AHCTF1: variants seen among roughly 807,000 people sequenced by gnomAD.
AHCTF1 encodes the protein AT-hook containing transcription factor 1.
In AHCTF1, 24 loss-of-function variants were observed where a neutral mutation model predicts 248.4. The ratio of observed to expected loss-of-function variants is 0.10; its 90% CI spans 0.07 to 0.14. The LOEUF (loss-of-function observed/expected upper bound fraction) is 0.14. Ranked by LOEUF, AHCTF1 falls within the 10% of genes least tolerant of loss-of-function variation. AHCTF1 has a pLI of 1.00. For missense variants in AHCTF1, 2,206 were observed against 2,636.2 expected (o/e 0.84, Z 3.57); for synonymous variants, 786 against 929.8 (o/e 0.85, Z 2.81).
chr1:246,908,422 T>C (rs1231618731), intron 4 of AHCTF1, among the ~76,000 whole-genome samples: 1 of 151,896 alleles, frequency 6.6e-6, no homozygotes, highest in African/African-American at 2.4e-5. Context: ...AGGTATCACC[T>C]GCTTACTCTG....
In AHCTF1 at chr1:246,851,238, T is replaced by C. The variant is rs1301513837; in HGVS notation, c.4768A>G (p.Ser1590Gly). ...EVDGELFVAQ[S>G]NFTLILEGEE... is the part of the protein sequence containing the mutation. ...CCTTCCAATATCAAGGTAAAGTTGC[T>C]TTGAGCCACAAAAAGTTCCCCATCT... The change falls in exon 33 of 36, where the codon AGC (serine) becomes GGC (glycine). Residue 1590 changes from serine (S) to glycine (G), a missense_variant. Around this residue, in one of 6 missense-constraint regions of AHCTF1, gnomAD observed 955 missense variants for 1,055.6 expected, o/e 0.90. Transcript: ENST00000648844. The C allele has an allele frequency of 6.2e-7, 1 of 1,613,846 alleles. No homozygotes were observed. The highest frequency in any genetic ancestry group is 2.2e-5 in the East Asian group (1 of 44,884).
intron 24 of AHCTF1, among the ~76,000 whole-genome samples, chr1:246,875,312 C>T (rs1290966551): frequency 6.6e-6 from 1 of 152,186 alleles, no homozygotes; most frequent in African/African-American, 2.4e-5. Flanking sequence ...CACCTTCCCT[C>T]AGCTGGACAC....
chr1:246,882,677 T>G (rs758262461), intron 21 of AHCTF1, among the ~76,000 whole-genome samples: 4 of 152,256 alleles, frequency 2.6e-5, no homozygotes, highest in Non-Finnish European at 5.9e-5. Flanking sequence ...TTTTTGGCTT[T>G]CTTGTACATT....
chr1:246,864,882 A>AAAAAAAAAAAAAAAC (rs1661849642), intron 26 of AHCTF1, among the ~76,000 whole-genome samples: 1 of 148,964 alleles, frequency 6.7e-6, no homozygotes. Context: ...AAAAAAAAAA[A>AAAAAAAAAAAAAAAC]AAAAAAAGAC....
intron 6 of AHCTF1, 142 bp downstream of exon 6, chr1:246,905,399 G>A (rs1665308950): frequency 3.3e-6 from 2 of 609,572 alleles, no homozygotes; most frequent in Non-Finnish European, 5.9e-6. Context: ...TCGGGAGGCT[G>A]AGCGAGAGAA....
intron 29 of AHCTF1, 117 bp downstream of exon 29, chr1:246,860,782 C>T: frequency 7.3e-7 from 1 of 1,368,384 alleles, no homozygotes. Context: ...CTGAGATTAA[C>T]TAGCATGAGC....
At chr1:246,917,518 T>C (rs1220986986) in intron 2 of AHCTF1, among the ~76,000 whole-genome samples, 6 of 152,224 alleles carry the variant, frequency 3.9e-5, no homozygotes, top group Non-Finnish European at 8.8e-5. Flanking sequence ...AATGATTTCA[T>C]TCTCAGTTAC....
rs1008015200 is a variant in AHCTF1 at position 246,898,407 on chromosome 1, T to A, written c.1495-71A>T. On this transcript the variant is annotated intron_variant, in intron 11 of 35. Transcript: ENST00000648844. ...ATAATCAAATTTAAGATTAATTAAT[T>A]ACACTTAAAATTTAAGTAAAATTTA... 4.1e-6 allele frequency: 6 copies of A among 1,446,128 alleles called. No individual in the cohort carries two copies. In the African/African-American group the frequency reaches 7.3e-5, roughly 18 times the overall value. 89.6% of individuals were successfully genotyped at this position (1,446,128 alleles called of 1,614,324 possible).
At chr1:246,893,281 G>C (rs541816014) in intron 14 of AHCTF1, among the ~76,000 whole-genome samples, 1 of 152,252 alleles carries the variant, frequency 6.6e-6, no homozygotes, top group African/African-American at 2.4e-5. Flanking sequence ...CATGACAACA[G>C]TTTCATAAGT....
At position 246,929,867 on chromosome 1, in the gene AHCTF1, T is replaced by C. The variant is rs375657308; in HGVS notation, c.-8+1711A>G. On this transcript the variant is annotated intron_variant, in intron 1 of 35. Coordinates refer to ENST00000648844, the MANE Select transcript of AHCTF1 (RefSeq NM_001323342.2). ...AGAAGTTCAAGACCAGCCTGGCCAA[T>C]ATGGTGAAACCCCGTCTCTACTAAA... Among the ~76,000 whole-genome samples, 94 of 151,992 alleles carry C rather than the reference T, an allele frequency of 6.2e-4. No homozygotes were observed. The East Asian group carries it at 0.011, about 17-fold the overall frequency.
rs762993619 is a variant in AHCTF1, at chr1:246,907,661, T to A, written c.654A>T (p.Pro218=). Residue 218 remains proline, a synonymous_variant, in exon 5 of 36, where the codon CCA becomes CCT. Transcript: ENST00000648844. ...TAAGAGTTGAAACAGCTGTTCCTGT[T>A]GGACTTACTAACTGGAAACACAGAT... ...GRHLCFQLVS[P]TGTAVSTLSY... 2.2e-5 allele frequency: 36 copies of A among 1,613,808 alleles called. No individual in the cohort carries two copies. Among genetic ancestry groups the A allele is most frequent in the Admixed American group, 1.0e-4 (6 of 59,998 alleles).
chr1:246,896,927 C>T (rs2103157737), intron 12 of AHCTF1, among the ~76,000 whole-genome samples: 1 of 152,264 alleles, frequency 6.6e-6, no homozygotes, highest in African/African-American at 2.4e-5. Context: ...TCACTGAAGC[C>T]ATTTATATTT....
chr1:246,841,441 G>A (rs932929754), intron 35 of AHCTF1, among the ~76,000 whole-genome samples: 5 of 152,112 alleles, frequency 3.3e-5, no homozygotes, highest in Non-Finnish European at 5.9e-5. Flanking sequence ...ACATAGATAC[G>A]CCAGTTTATA....
At position 246,869,114 on chromosome 1, in the gene AHCTF1, A is replaced by G. The variant is rs537250888; in HGVS notation, c.3089-1303T>C. On this transcript the variant is annotated intron_variant, in intron 24 of 35. Transcript: ENST00000648844. ...CCGCCTTGGCCTCCCAAAGTGCTGGATTACAGGCGTGAGCCACCACGCCCG... is the reference window on the plus strand; with the variant it reads ...CCGCCTTGGCCTCCCAAAGTGCTGGGTTACAGGCGTGAGCCACCACGCCCG... Among the ~76,000 whole-genome samples the G allele has an allele frequency of 1.1e-3, 162 of 151,414 alleles. No individual in the cohort carries two copies. In the South Asian group the frequency reaches 0.011, roughly 11 times the overall value.
chr1:246,874,005 C>T (rs1051871459), intron 24 of AHCTF1, among the ~76,000 whole-genome samples: 1 of 152,206 alleles, frequency 6.6e-6, no homozygotes, highest in African/African-American at 2.4e-5. Flanking sequence ...CCGCTTGCTG[C>T]TTCTGACACT....
In AHCTF1 at chr1:246,841,863, C is replaced by T. The variant is rs568689987; in HGVS notation, c.6608+831G>A. Among the ~76,000 whole-genome samples, 6 of 152,218 alleles carry T rather than the reference C, an allele frequency of 3.9e-5. No individual in the cohort carries two copies. In the South Asian group the frequency reaches 1.2e-3, roughly 32 times the overall value. ...CTGGAGTGCAGTGGCGTGATCTTGG[C>T]TCACTGCAACCTCCGCCTCCTGGGT... is the stretch of plus-strand genomic sequence containing the variant. On this transcript the variant is annotated intron_variant, in intron 35 of 35. Coordinates refer to ENST00000648844, the MANE Select transcript of AHCTF1 (RefSeq NM_001323342.2).
chr1:246,867,041 A>G (rs1211346763), intron 26 of AHCTF1, among the ~76,000 whole-genome samples: 1 of 152,198 alleles, frequency 6.6e-6, no homozygotes, highest in African/African-American at 2.4e-5. Flanking sequence ...GCAGTCTGAA[A>G]TTATTGAACA....
Position 246,867,740 on chromosome 1 carries a change from A to G in AHCTF1, c.3160T>C (p.Phe1054Leu). The G allele has an allele frequency of 6.2e-7, 1 of 1,612,496 alleles. No homozygotes were observed. Residue 1054 changes from phenylalanine to leucine, a missense_variant, in exon 25 of 36, where the codon TTC (phenylalanine) becomes CTC (leucine). This residue lies in a region of AHCTF1 where 955 missense variants were observed against 1,055.6 expected (regional missense o/e 0.90). Transcript: ENST00000648844. ...VTGTVLTRSV[F>L]INNVLSKIGE... ...ATTTTAGATAACACATTGTTGATGA[A>G]AACAGATCTTGTCAACACAGTTCCT... is the stretch of plus-strand genomic sequence containing the variant.
intron 24 of AHCTF1, among the ~76,000 whole-genome samples, chr1:246,868,878 TCTG>T (rs1662265073): frequency 6.8e-6 from 1 of 147,844 alleles, no homozygotes; most frequent in Non-Finnish European, 1.5e-5. Flanking sequence ...GGAGTCTCGC[TCTG>T]TCACCCAGGT....
Sources: allele counts gnomAD v4.1 joint callset (sites outside exome capture counted in the v4.1 genomes callset), GRCh38; gene constraint gnomAD v4.1.1; regional missense constraint gnomAD v4.1.1; transcripts MANE v1.5; gene names NCBI Gene and HGNC (gene_info 2026-07-23, HGNC 2026-07-21).